The following LHFPL1 variants were observed in gnomAD, a reference collection of about 807,000 sequenced individuals.
LHFPL1 encodes LHFPL tetraspan subfamily member 1, also known as LHFPL tetraspan subfamily member 1 protein.
A neutral mutation model predicts 12.1 loss-of-function variants in LHFPL1; 4 were observed. The ratio of observed to expected loss-of-function variants is 0.33; its 90% CI spans 0.16 to 0.76. The LOEUF is 0.76. LHFPL1 is among the 30% of genes least tolerant of loss of function. The probability of loss-of-function intolerance (pLI) is 0.61; values close to 1 mark genes in which losing one functional copy is unlikely to be tolerated. For missense variants in LHFPL1, 141 were observed against 174.1 expected (o/e 0.81, Z 1.07); for synonymous variants, 52 against 61.9 (o/e 0.84, Z 0.75).
chrX:112,639,546 G>A (rs904059470), intron 3 of LHFPL1, among the ~76,000 whole-genome samples: 1 of 111,636 alleles, frequency 9.0e-6, no homozygotes, highest in Non-Finnish European at 1.9e-5. Context: ...TCCTCATGAC[G>A]ACAGAAATGC....
intron 3 of LHFPL1, among the ~76,000 whole-genome samples, chrX:112,633,797 T>C (rs893366608): frequency 1.5e-4 from 17 of 111,832 alleles, no homozygotes; most frequent in Non-Finnish European, 1.1e-4. Context: ...AAAGAGCAAA[T>C]TTGAAAGAGA....
At chrX:112,675,483 G>A (rs1024541373) in intron 1 of LHFPL1, among the ~76,000 whole-genome samples, 8 of 111,755 alleles carry the variant, frequency 7.2e-5, no homozygotes, top group Non-Finnish European at 1.3e-4. Flanking sequence ...GTTTAAAAGC[G>A]ACGTTTTGAA....
At chrX:112,639,898 G>A (rs777502202) in intron 3 of LHFPL1, among the ~76,000 whole-genome samples, 34 of 111,660 alleles carry the variant, frequency 3.0e-4, no homozygotes, top group Non-Finnish European at 5.5e-4. Flanking sequence ...AGCTTTGGGC[G>A]CTCTCCTCAA....
Position 112,671,128 on chromosome X carries a change from G to A in LHFPL1, c.263C>T (p.Thr88Ile), listed in dbSNP as rs751912787. ...SLAWQMCTVV[T>I]GAGCALLLLV... Reference sequence around the variant, plus strand: ...GAGCAGCAGAGCACAGCCGGCACCTGTCACCACTGTGCACATCTGCCAGGC... The same window carrying A: ...GAGCAGCAGAGCACAGCCGGCACCTATCACCACTGTGCACATCTGCCAGGC... Residue 88 changes from threonine to isoleucine, a missense_variant, in exon 2 of 4, where the codon ACA (threonine) becomes ATA (isoleucine). Physicochemically the swap from Thr to Ile is moderately conservative, Grantham distance 89 (BLOSUM62 -1). Transcript: ENST00000371968. 1.2e-5 allele frequency: 14 copies of A among 1,212,135 alleles called. No homozygotes were observed. Among genetic ancestry groups the A allele is most frequent in the Non-Finnish European group, 1.6e-5 (14 of 895,553 alleles).
chrX:112,650,728 G>T (rs999307638), intron 3 of LHFPL1, among the ~76,000 whole-genome samples: 3 of 111,030 alleles, frequency 2.7e-5, no homozygotes, highest in Admixed American at 1.9e-4. Flanking sequence ...GCCACTAGTC[G>T]CATTGTGCCT....
At chrX:112,641,269 C>T (rs1005582662) in intron 3 of LHFPL1, among the ~76,000 whole-genome samples, 6 of 111,848 alleles carry the variant, frequency 5.4e-5, no homozygotes, top group Admixed American at 9.5e-5. Context: ...TTTTGTGATC[C>T]ATTATCTCAT....
At chrX:112,661,408 T>G (rs993811240) in intron 2 of LHFPL1, among the ~76,000 whole-genome samples, 1 of 111,989 alleles carries the variant, frequency 8.9e-6, no homozygotes, top group Non-Finnish European at 1.9e-5. Flanking sequence ...CTGGGTCTGC[T>G]TGCCAACACT....
chrX:112,673,843 A>T (rs1422719077), intron 1 of LHFPL1, among the ~76,000 whole-genome samples: 1 of 111,729 alleles, frequency 9.0e-6, no homozygotes, highest in Non-Finnish European at 1.9e-5. Flanking sequence ...TTTTCAAAAA[A>T]TATTGAAGAC....
intron 3 of LHFPL1, among the ~76,000 whole-genome samples, chrX:112,638,679 C>T (rs1375240787): frequency 9.0e-6 from 1 of 111,610 alleles, no homozygotes; most frequent in East Asian, 2.8e-4. Context: ...TAAGCTTTTA[C>T]AGACCTCTTC....
intron 2 of LHFPL1, 140 bp from the exon 3 acceptor site, chrX:112,660,865 G>A (rs765912754): frequency 1.3e-5 from 6 of 447,440 alleles, no homozygotes; most frequent in Non-Finnish European, 2.3e-5. Context: ...TTCTATGAGA[G>A]TACCAACTCA....
chrX:112,674,406 C>G (rs746876390), intron 1 of LHFPL1, among the ~76,000 whole-genome samples: 11 of 111,204 alleles, frequency 9.9e-5, no homozygotes, highest in Non-Finnish European at 2.1e-4. Flanking sequence ...ACCAAGAACC[C>G]AAAAGCAAAT....
At chrX:112,663,448 G>A (rs1054220200) in intron 2 of LHFPL1, among the ~76,000 whole-genome samples, 1 of 110,778 alleles carries the variant, frequency 9.0e-6, no homozygotes, top group Admixed American at 9.6e-5. Flanking sequence ...TGCCCAAGGG[G>A]AAAGTCCCTT....
At chrX:112,657,310 A>C (rs1415153777) in intron 3 of LHFPL1, among the ~76,000 whole-genome samples, 1 of 112,149 alleles carries the variant, frequency 8.9e-6, no homozygotes, top group Non-Finnish European at 1.9e-5. Context: ...CTAAATAGAA[A>C]GTCATCTCAG....
At chrX:112,659,969 T>C (rs1394734563) in intron 3 of LHFPL1, among the ~76,000 whole-genome samples, 3 of 112,271 alleles carry the variant, frequency 2.7e-5, no homozygotes, top group East Asian at 5.6e-4. Context: ...TTTTGTACAA[T>C]TGAGAATACC....
intron 3 of LHFPL1, among the ~76,000 whole-genome samples, chrX:112,634,393 A>T (rs1001839406): frequency 9.0e-6 from 1 of 111,408 alleles, no homozygotes; most frequent in Non-Finnish European, 1.9e-5. Flanking sequence ...CACCTGGCAG[A>T]GCAGACAGGA....
intron 1 of LHFPL1, among the ~76,000 whole-genome samples, chrX:112,678,177 T>G (rs969860401): frequency 9.0e-6 from 1 of 111,542 alleles, no homozygotes; most frequent in Non-Finnish European, 1.9e-5. Context: ...CATCAGGCCC[T>G]GGGCTATTTC....
At chrX:112,677,768 G>A (rs1415784223) in intron 1 of LHFPL1, among the ~76,000 whole-genome samples, 1 of 111,171 alleles carries the variant, frequency 9.0e-6, no homozygotes, top group African/African-American at 3.3e-5. Flanking sequence ...ATTATGAGAA[G>A]TGCTCTGAGT....
chrX:112,671,798 A>G (rs1339454923), intron 1 of LHFPL1, among the ~76,000 whole-genome samples: 1 of 111,947 alleles, frequency 8.9e-6, no homozygotes, highest in Non-Finnish European at 1.9e-5. Context: ...CCCGGCTTCC[A>G]GCTGAATGGA....
At chrX:112,643,399 A>AAC (rs1194502441) in intron 3 of LHFPL1, among the ~76,000 whole-genome samples, 3 of 108,584 alleles carry the variant, frequency 2.8e-5, no homozygotes, top group African/African-American at 3.4e-5. Context: ...AAAAAAAAAA[A>AAC]GAAAAAGAGG....
Sources: allele counts gnomAD v4.1 joint callset (sites outside exome capture counted in the v4.1 genomes callset), GRCh38; gene constraint gnomAD v4.1.1; transcripts MANE v1.5; gene names NCBI Gene and HGNC (gene_info 2026-07-23, HGNC 2026-07-21).